Variants in PTGER4 observed in about 807,000 individuals in gnomAD.
The protein encoded by PTGER4 is prostaglandin E2 receptor EP4 subtype.
In PTGER4, 11 loss-of-function variants were observed where a neutral mutation model predicts 33.2. The ratio of observed to expected loss-of-function variants is 0.33; its 90% CI spans 0.21 to 0.55. The LOEUF (loss-of-function observed/expected upper bound fraction) is 0.55. Among genes scored for constraint, PTGER4 ranks in the 20% least tolerant of loss-of-function variants. PTGER4 has a pLI of 0.92. For synonymous variants in PTGER4, 275 were observed against 281.5 expected, an observed-to-expected ratio of 0.98 and a Z score of 0.23; for missense variants, 481 against 650.2, an observed-to-expected ratio of 0.74 and a Z score of 2.83.
the PTGER4 span, among the ~76,000 whole-genome samples, chr5:40,723,856 T>C: frequency 6.6e-6 from 1 of 151,616 alleles, no homozygotes; most frequent in South Asian, 2.1e-4. Flanking sequence ...CAGAGCAAGA[T>C]TCCCTCTCAA....
At chr5:40,696,968 A>G (rs112823648), downstream of PTGER4, among the ~76,000 whole-genome samples, 131 of 104,602 alleles carry the variant, frequency 1.3e-3, 2 homozygotes, top group Admixed American at 5.2e-3. Flanking sequence ...GAGAGAAAGA[A>G]AGAGAGAGAG....
At chr5:40,705,802 T>G in the PTGER4 span, among the ~76,000 whole-genome samples, 1 of 152,116 alleles carries the variant, frequency 6.6e-6, no homozygotes, top group Non-Finnish European at 1.5e-5. Context: ...GAATGGCTAT[T>G]ATAAGAAAGT....
chr5:40,697,250 G>GAAAGA (rs1247679960), downstream of PTGER4, among the ~76,000 whole-genome samples: 2 of 81,794 alleles, frequency 2.4e-5, no homozygotes, highest in African/African-American at 3.5e-5. Context: ...AAGAAAGAAA[G>GAAAGA]AAAGAAAGAA....
At chr5:40,694,782 T>A (rs1050044308), downstream of PTGER4, among the ~76,000 whole-genome samples, 1 of 152,246 alleles carries the variant, frequency 6.6e-6, no homozygotes, top group Non-Finnish European at 1.5e-5. Context: ...TTTTCATTGT[T>A]GAGCCTGATT....
the PTGER4 span, among the ~76,000 whole-genome samples, chr5:40,718,277 G>A: frequency 6.6e-6 from 1 of 151,632 alleles, no homozygotes; most frequent in East Asian, 2.0e-4. Context: ...CATAGTGGTG[G>A]TGCCTGTAAT....
At chr5:40,715,976 T>C in the PTGER4 span, 1 of 528,070 alleles carries the variant, frequency 1.9e-6, no homozygotes, top group Non-Finnish European at 3.3e-6. Flanking sequence ...TCAAAGCATA[T>C]TCCAAACACT....
the PTGER4 span, among the ~76,000 whole-genome samples, chr5:40,717,838 C>T: frequency 6.6e-6 from 1 of 151,432 alleles, no homozygotes; most frequent in African/African-American, 2.4e-5. Flanking sequence ...TCAAGGCAGG[C>T]GGATCACCTG....
At chr5:40,746,710 A>G in the PTGER4 span, 10 of 975,236 alleles carry the variant, frequency 1.0e-5, no homozygotes, top group Non-Finnish European at 1.5e-5. Flanking sequence ...ACATGAATTT[A>G]TCAAATTCAT....
the PTGER4 span, among the ~76,000 whole-genome samples, chr5:40,710,318 A>G: frequency 3.9e-5 from 6 of 152,268 alleles, no homozygotes; most frequent in Non-Finnish European, 7.3e-5. Context: ...CAAAGGACAC[A>G]TGAAAAAATG....
Position 40,681,015 on chromosome 5 carries a change from T to C in PTGER4, c.22T>C (p.Ser8Pro). The C allele has an allele frequency of 1.9e-6, 3 of 1,613,178 alleles. No individual in the cohort carries two copies. Among genetic ancestry groups the C allele is most frequent in the Non-Finnish European group, 2.5e-6 (3 of 1,179,554 alleles). ...TATCATGTCCACTCCCGGGGTCAAT[T>C]CGTCCGCCTCCTTGAGCCCCGACCG... is the stretch of plus-strand genomic sequence containing the variant. MSTPGVN[S>P]SASLSPDRLN... Residue 8 changes from serine (S) to proline (P), a missense_variant, in exon 2 of 3, where the codon TCG becomes CCG. Physicochemically the swap from Ser to Pro is moderately conservative, Grantham distance 74. Around this residue, in one of 7 missense-constraint regions of PTGER4, gnomAD observed 26 missense variants for 21.0 expected, o/e 1.24. Coordinates refer to ENST00000302472, the MANE Select transcript of PTGER4 (RefSeq NM_000958.3). This position sits in a 1 kb window ranked among gnomAD's most constrained non-coding sequence, Gnocchi z 9.8.
chr5:40,680,929 GTC>G lies in PTGER4; in HGVS notation c.-43-16_-43-15del. On this transcript the variant is annotated intron_variant, in intron 1 of 2. Transcript: ENST00000302472. This position sits in a 1 kb window ranked among gnomAD's most constrained non-coding sequence, Gnocchi z 5.5. ...GGTAATTTCCGCTCACGGCAGCTTT[GTC>G]TCTCTTCTACCATCCCCAGACCCAG... The G allele has an allele frequency of 6.5e-7, 1 of 1,532,450 alleles. No individual in the cohort carries two copies. Among genetic ancestry groups the G allele is most frequent in the Middle Eastern group, 1.8e-4 (1 of 5,650 alleles). The allele number at this position is 1,532,450 out of a possible 1,614,324, so 94.9% of individuals were successfully genotyped here.
In PTGER4 at chr5:40,681,843, T is replaced by A; in HGVS notation, c.850T>A (p.Cys284Ser). Residue 284 changes from cysteine to serine, a missense_variant, in exon 2 of 3, where the codon TGC becomes AGC. Cys to Ser is a moderately radical substitution (Grantham distance 112, BLOSUM62 -1). Around this residue, in one of 7 missense-constraint regions of PTGER4, gnomAD observed 174 missense variants for 210.5 expected, o/e 0.83. Transcript: ENST00000302472. The surrounding 1 kb of genome is among the most constrained non-coding windows in gnomAD (Gnocchi z 9.8). Reference sequence around the variant, plus strand: ...TGCCACCTCCCTGGTGGTGCTCATCTGCTCCATCCCGCTCGTGGTGAGTGA... The same window carrying A: ...TGCCACCTCCCTGGTGGTGCTCATCAGCTCCATCCCGCTCGTGGTGAGTGA... ...LIATSLVVLI[C>S]SIPLVVRVFV... is the part of the protein sequence containing the mutation. The A allele has an allele frequency of 1.3e-6, 2 of 1,533,996 alleles. No individual in the cohort carries two copies. The highest frequency in any genetic ancestry group is 2.5e-5 in the South Asian group (2 of 79,964).
rs1204457528 is a variant in PTGER4, at chr5:40,692,008, G to A, written c.1097G>A (p.Ser366Asn). The A allele has an allele frequency of 6.2e-7, 1 of 1,614,082 alleles. No homozygotes were observed. The stretch of plus-strand genomic sequence containing the variant: ...CGCTCCGGACAGCACTGCTCAGACA[G>A]TCAAAGGACATCTTCTGCCATGTCA... ...RERSGQHCSD[S>N]QRTSSAMSGH... Residue 366 changes from serine (S) to asparagine (N), a missense_variant, in exon 3 of 3, where the codon AGT (serine) becomes AAT (asparagine). Transcript: ENST00000302472.
the PTGER4 span, among the ~76,000 whole-genome samples, chr5:40,717,421 T>G: frequency 3.3e-5 from 5 of 152,154 alleles, no homozygotes; most frequent in African/African-American, 1.2e-4. Context: ...GTCCATTCTC[T>G]TATTCATTAT....
Position 40,681,338 on chromosome 5 carries a change from C to G in PTGER4, c.345C>G (p.Val115=), listed in dbSNP as rs770373566. 2.5e-6 allele frequency: 4 copies of G among 1,614,166 alleles called. No homozygotes were observed. The highest frequency in any genetic ancestry group is 3.4e-6 in the Non-Finnish European group (4 of 1,180,040). Residue 115 remains valine, a synonymous_variant, in exon 2 of 3, where the codon GTC becomes GTG. Transcript: ENST00000302472. The surrounding 1 kb of genome is among the most constrained non-coding windows in gnomAD (Gnocchi z 9.8). ...SGLSIICAMS[V]ERYLAINHAY... is the part of the protein sequence containing the mutation. ...TCAGCATCATCTGCGCCATGAGTGT[C>G]GAGCGCTACCTGGCCATCAACCATG... is the stretch of plus-strand genomic sequence containing the variant.
At chr5:40,729,291 T>C in the PTGER4 span, among the ~76,000 whole-genome samples, 2 of 152,218 alleles carry the variant, frequency 1.3e-5, no homozygotes, top group Non-Finnish European at 2.9e-5. Flanking sequence ...CAAATGTGTG[T>C]CCTATATTTG....
At chr5:40,704,258 A>T in the PTGER4 span, among the ~76,000 whole-genome samples, 1 of 152,200 alleles carries the variant, frequency 6.6e-6, no homozygotes, top group Non-Finnish European at 1.5e-5. Flanking sequence ...CAATAAATGT[A>T]GAAAGACTTT....
the PTGER4 span, among the ~76,000 whole-genome samples, chr5:40,707,025 G>A: frequency 2.0e-5 from 3 of 152,256 alleles, no homozygotes; most frequent in African/African-American, 7.2e-5. Context: ...AGCTCCTGAA[G>A]GAAGCACTAA....
At chr5:40,682,774 G>A (rs376912002) in intron 2 of PTGER4, among the ~76,000 whole-genome samples, 3 of 152,180 alleles carry the variant, frequency 2.0e-5, no homozygotes, top group African/African-American at 7.2e-5. Context: ...ATGGACCTTA[G>A]GCCGTCTGAG....
Sources: gnomAD v4.1 joint callset for allele counts (sites outside exome capture counted in the v4.1 genomes callset) on GRCh38, gnomAD v4.1.1 for gene constraint, gnomAD v4.1.1 regional missense constraint, Gnocchi (gnomAD v3.1) non-coding constraint, MANE v1.5 for transcripts, NCBI Gene and HGNC (gene_info 2026-07-23, HGNC 2026-07-21) for gene names.